Variants in TAFAZZIN observed in about 807,000 individuals in gnomAD.
TAFAZZIN encodes the protein tafazzin, phospholipid-lysophospholipid transacylase, also known as protein G4.5.
A neutral mutation model predicts 27.3 loss-of-function variants in TAFAZZIN; 6 were observed. The observed-to-expected ratio is 0.22, with a 90% confidence interval of 0.12 to 0.43. The LOEUF is 0.43. TAFAZZIN is among the 20% of genes least tolerant of loss of function. The pLI is 1.00. For synonymous variants in TAFAZZIN, 79 were observed against 96.2 expected, an observed-to-expected ratio of 0.82 and a Z score of 1.04; for missense variants, 127 against 244.5, an observed-to-expected ratio of 0.52 and a Z score of 3.21.
At chrX:154,417,901 T>C (rs2068532367) in intron 5 of TAFAZZIN, among the ~76,000 whole-genome samples, 1 of 111,877 alleles carries the variant, frequency 8.9e-6, no homozygotes, top group Non-Finnish European at 1.9e-5. Context: ...ACTAATAATA[T>C]GTCATTAAGG....
At chrX:154,418,260 G>A (rs374242089) in intron 5 of TAFAZZIN, among the ~76,000 whole-genome samples, 15 of 111,881 alleles carry the variant, frequency 1.3e-4, no homozygotes, top group African/African-American at 4.5e-4. Flanking sequence ...CAAGTGGGCT[G>A]CTGGGTCAGG....
rs782188623 is a variant in TAFAZZIN, at chrX:154,413,630, G to A, written c.370+63G>A. On this transcript the variant is annotated intron_variant, in intron 4 of 10. Transcript: ENST00000601016. ...TGGGGCAGGAAAGCTGGTGGCCAGT[G>A]TCTCTGTTTTGGAGGGACCTATGGG... 8.7e-6 allele frequency: 10 copies of A among 1,149,329 alleles called. No individual in the cohort carries two copies. In the Admixed American group the frequency reaches 1.8e-4, roughly 20 times the overall value. 94.7% of individuals were successfully genotyped at this position (1,149,329 alleles called of 1,213,427 possible).
chrX:154,415,951 T>C (rs2148201319), intron 5 of TAFAZZIN, among the ~76,000 whole-genome samples: 1 of 107,477 alleles, frequency 9.3e-6, no homozygotes, highest in East Asian at 2.9e-4. Context: ...GTGACATGCT[T>C]GTATCTGTGG....
intron 4 of TAFAZZIN, 50 bp downstream of exon 4, chrX:154,413,617 G>C: frequency 1.7e-6 from 2 of 1,174,785 alleles, no homozygotes; most frequent in Non-Finnish European, 2.3e-6. Context: ...GGGCAGGAAA[G>C]CTGGTGGCCA....
At position 154,413,522 on chromosome X, in the gene TAFAZZIN, C is replaced by T. The variant is rs1557191762; in HGVS notation, c.325C>T (p.His109Tyr). The change falls in exon 4 of 11, where the codon CAC (histidine) becomes TAC (tyrosine). Residue 109 changes from histidine to tyrosine, a missense_variant. Transcript: ENST00000601016. ...AGACATCTGCTTCACCAAGGAGCTACACTCCCACTTCTTCAGCTTGGGCAA... is the reference window on the plus strand; with the variant it reads ...AGACATCTGCTTCACCAAGGAGCTATACTCCCACTTCTTCAGCTTGGGCAA... ...AADICFTKEL[H>Y]SHFFSLGKCV... is the part of the protein sequence containing the mutation. 6.6e-6 allele frequency: 8 copies of T among 1,212,436 alleles called. No individual in the cohort carries two copies. Among genetic ancestry groups the T allele is most frequent in the Non-Finnish European group, 7.8e-6 (7 of 895,638 alleles).
intron 5 of TAFAZZIN, among the ~76,000 whole-genome samples, chrX:154,418,167 C>T (rs1175209888): frequency 9.0e-6 from 1 of 111,521 alleles, no homozygotes; most frequent in Non-Finnish European, 1.9e-5. Context: ...GGGCCAGTAC[C>T]TATGAAGACT....
Position 154,421,718 on chromosome X carries a change from G to A in TAFAZZIN, c.*714G>A. 1 of 329,688 alleles carries A rather than the reference G, an allele frequency of 3.0e-6. No homozygotes were observed. Among genetic ancestry groups the A allele is most frequent in the Non-Finnish European group, 5.9e-6 (1 of 170,050 alleles). The allele number at this position is 329,688 out of a possible 1,213,427, so 27.2% of individuals were successfully genotyped here. On this transcript the variant is annotated 3_prime_UTR_variant, in exon 11 of 11. Transcript: ENST00000601016. ...AACCATAAAGCATATGTGTTGGCTT[G>A]TTGTAAAATGTCTCTGGCCTCTCTG...
At chrX:154,419,262 G>A (rs1452326425) in intron 5 of TAFAZZIN, 10 of 408,409 alleles carry the variant, frequency 2.4e-5, no homozygotes, top group Non-Finnish European at 4.3e-5. Flanking sequence ...TAGGGGTTTA[G>A]AAGATATTAG....
chrX:154,417,083 T>C (rs1371489154), intron 5 of TAFAZZIN, among the ~76,000 whole-genome samples: 2 of 105,565 alleles, frequency 1.9e-5, no homozygotes, highest in African/African-American at 3.5e-5. Flanking sequence ...TGCAGTGAGC[T>C]GAGATTGCGC....
Position 154,420,651 on chromosome X carries a change from C to T in TAFAZZIN, c.700-7C>T. 8.3e-7 allele frequency: 1 copy of T among 1,211,033 alleles called. No homozygotes were observed. The highest frequency in any genetic ancestry group is 1.1e-6 in the Non-Finnish European group (1 of 895,063). On this transcript the variant is annotated splice_region_variant and splice_polypyrimidine_tract_variant and intron_variant, in intron 9 of 10. Transcript: ENST00000601016. ...GCTCCTCATCACTCTTGGCGGCCAC[C>T]CCACAGAAAATCACTGTGCTGATCG...
intron 2 of TAFAZZIN, 139 bp from the exon 3 acceptor site, chrX:154,413,068 C>A: frequency 1.2e-6 from 1 of 829,976 alleles, no homozygotes. Flanking sequence ...AATGATCTGG[C>A]CTAAGGGTCT....
chrX:154,415,631 C>A (rs782459707), intron 5 of TAFAZZIN, among the ~76,000 whole-genome samples: 115 of 110,856 alleles, frequency 1.0e-3, no homozygotes, highest in Non-Finnish European at 1.5e-3. Context: ...GCCTGTAATC[C>A]CAGTGCTTTG....
At chrX:154,417,318 G>A (rs1381543859) in intron 5 of TAFAZZIN, among the ~76,000 whole-genome samples, 2 of 111,217 alleles carry the variant, frequency 1.8e-5, no homozygotes, top group African/African-American at 6.5e-5. Flanking sequence ...AGCAAACCAG[G>A]CGCCTGTGGC....
intron 5 of TAFAZZIN, chrX:154,419,269 T>G: frequency 2.4e-6 from 1 of 409,416 alleles, no homozygotes; most frequent in Non-Finnish European, 4.3e-6. Flanking sequence ...TTAGAAGATA[T>G]TAGGAAGGAA....
chrX:154,413,608 G>A, intron 4 of TAFAZZIN, 41 bp downstream of exon 4: 2 of 1,190,199 alleles, frequency 1.7e-6, no homozygotes, highest in Non-Finnish European at 2.3e-6. Flanking sequence ...GCACTTCTGG[G>A]GCAGGAAAGC....
chrX:154,414,282 C>A (rs914458909), intron 5 of TAFAZZIN, 92 bp downstream of exon 5: 4 of 696,417 alleles, frequency 5.7e-6, no homozygotes, highest in Non-Finnish European at 9.1e-6. Flanking sequence ...TTGAGACCAG[C>A]CTGGGCAACA....
At chrX:154,415,880 C>CAAAAA (rs140328432) in intron 5 of TAFAZZIN, among the ~76,000 whole-genome samples, 1 of 28,090 alleles carries the variant, frequency 3.6e-5, no homozygotes, top group Non-Finnish European at 6.4e-5. Context: ...GACCTGGTCT[C>CAAAAA]AAAAAAAAAA....
At position 154,411,763 on chromosome X, in the gene TAFAZZIN, G is replaced by C; in HGVS notation, c.-81G>C. On this transcript the variant is annotated 5_prime_UTR_variant, in exon 1 of 11. Transcript: ENST00000601016. ...CGGGCCAGTCAGGGGCCAGTGTCTCGAGCGGTCGAGGTCGCAGACCTAGAG... is the reference window on the plus strand; with the variant it reads ...CGGGCCAGTCAGGGGCCAGTGTCTCCAGCGGTCGAGGTCGCAGACCTAGAG... 1 of 938,390 alleles carries C rather than the reference G, an allele frequency of 1.1e-6. No individual in the cohort carries two copies. The highest frequency in any genetic ancestry group is 3.4e-5 in the East Asian group (1 of 29,383). 77.3% of individuals were successfully genotyped at this position (938,390 alleles called of 1,213,427 possible).
Position 154,411,669 on chromosome X carries a change from C to A in TAFAZZIN, c.-175C>A. On this transcript the variant is annotated 5_prime_UTR_variant, in exon 1 of 11. Transcript: ENST00000601016. ...GACGAGAGAGCGGGGCCGGGCGCTG[C>A]TCCGGCCTGACCTGCGAAGGGACCT... is the stretch of plus-strand genomic sequence containing the variant. 1 of 506,544 alleles carries A rather than the reference C, an allele frequency of 2.0e-6. No homozygotes were observed. Among genetic ancestry groups the A allele is most frequent in the Non-Finnish European group, 3.5e-6 (1 of 289,780 alleles). 41.7% of individuals were successfully genotyped at this position (506,544 alleles called of 1,213,427 possible).
Sources: allele counts gnomAD v4.1 joint callset (sites outside exome capture counted in the v4.1 genomes callset), GRCh38; gene constraint gnomAD v4.1.1; transcripts MANE v1.5; gene names NCBI Gene and HGNC (gene_info 2026-07-23, HGNC 2026-07-21).